EHMT1: variants seen among roughly 807,000 people sequenced by gnomAD.
The protein encoded by EHMT1 is euchromatic histone lysine methyltransferase 1.
A neutral mutation model predicts 147.2 loss-of-function variants in EHMT1; 15 were observed. The observed-to-expected ratio is 0.10, with a 90% confidence interval of 0.07 to 0.16. The LOEUF is 0.16. Ranked by LOEUF, EHMT1 falls within the 10% of genes least tolerant of loss-of-function variation. The pLI is 1.00. For missense variants in EHMT1, 1,587 were observed against 1,772.4 expected (o/e 0.90, Z 1.88); for synonymous variants, 795 against 709.6 (o/e 1.12, Z -1.91).
Position 137,634,984 on chromosome 9 carries a change from T to C in EHMT1, c.21+15935T>C, listed in dbSNP as rs568545985. ...ATCCGCCGGCCTCGGCCTCCCAAAG[T>C]GCTGGGATTACAGGTGTGAGCCACT... On this transcript the variant is annotated intron_variant, in intron 1 of 26. Transcript: ENST00000460843. 1.3e-4 allele frequency among the ~76,000 whole-genome samples: 20 copies of C among 150,188 alleles called. No individual in the cohort carries two copies. The East Asian group carries it at 3.6e-3, about 27-fold the overall frequency.
In EHMT1 at chr9:137,766,511, A is replaced by ACT. The variant is rs1283295394; in HGVS notation, c.1647+3691_1647+3692insCT. On this transcript the variant is annotated intron_variant, in intron 10 of 26. Transcript: ENST00000460843. Reference sequence around the variant, plus strand: ...CTGCCTGTAGTCCCAGCTACTTGGGAGGCTGAGGCAGGAGAATTGCTTGAG... The same window carrying ACT: ...CTGCCTGTAGTCCCAGCTACTTGGGACTGGCTGAGGCAGGAGAATTGCTTGAG... Among the ~76,000 whole-genome samples the ACT allele has an allele frequency of 4.6e-5, 7 of 152,308 alleles. No homozygotes were observed. In the East Asian group the frequency reaches 1.4e-3, roughly 29 times the overall value.
intron 1 of EHMT1, among the ~76,000 whole-genome samples, chr9:137,619,330 C>G (rs1033554719): frequency 1.3e-5 from 2 of 150,752 alleles, no homozygotes; most frequent in Admixed American, 6.6e-5. Flanking sequence ...GAGGCGACCG[C>G]GTACCTGTGC....
chr9:137,801,964 A>AT (rs143910465), intron 18 of EHMT1, among the ~76,000 whole-genome samples: 22,706 of 152,244 alleles, frequency 0.15, 5,512 homozygotes, highest in African/African-American at 0.51. Flanking sequence ...AGAAAAGTGA[A>AT]CATTATCATA....
intron 1 of EHMT1, chr9:137,675,135 C>T (rs966900851): frequency 1.3e-5 from 2 of 152,230 alleles, no homozygotes; most frequent in African/African-American, 4.8e-5. Context: ...GCTGTAGCTC[C>T]TTCTGTGCCT....
chr9:137,662,852 G>A (rs1939232745), intron 1 of EHMT1, among the ~76,000 whole-genome samples: 1 of 150,930 alleles, frequency 6.6e-6, no homozygotes, highest in Non-Finnish European at 1.5e-5. Flanking sequence ...GGAGTGCAAT[G>A]GTGCGATCTC....
chr9:137,831,951 T>G (rs7021869), intron 25 of EHMT1, among the ~76,000 whole-genome samples: 1 of 93,628 alleles, frequency 1.1e-5, no homozygotes, highest in Non-Finnish European at 2.1e-5. Flanking sequence ...CCTACGTGGC[T>G]GCTGCACTTC....
At chr9:137,661,321 G>C (rs1939051013) in intron 1 of EHMT1, among the ~76,000 whole-genome samples, 1 of 151,864 alleles carries the variant, frequency 6.6e-6, no homozygotes, top group Non-Finnish European at 1.5e-5. Flanking sequence ...TCCTATTTAG[G>C]ATGGTGTTTA....
intron 6 of EHMT1, among the ~76,000 whole-genome samples, chr9:137,749,921 T>C (rs1017394788): frequency 6.6e-6 from 1 of 152,252 alleles, no homozygotes; most frequent in Admixed American, 6.5e-5. Flanking sequence ...AACATTTCGA[T>C]GGTCAGTCGT....
At chr9:137,730,207 T>C (rs1451533262) in intron 4 of EHMT1, among the ~76,000 whole-genome samples, 1 of 152,214 alleles carries the variant, frequency 6.6e-6, no homozygotes, top group African/African-American at 2.4e-5. Flanking sequence ...AAGTTACTGC[T>C]CACCAGACTG....
intron 1 of EHMT1, chr9:137,665,016 C>T (rs771791567): frequency 6.6e-6 from 1 of 152,126 alleles, no homozygotes; most frequent in African/African-American, 2.4e-5. Context: ...CTTTGCAACT[C>T]TTGGGCAGTC....
intron 25 of EHMT1, among the ~76,000 whole-genome samples, chr9:137,831,313 G>A (rs1241725087): frequency 6.6e-6 from 1 of 152,194 alleles, no homozygotes; most frequent in African/African-American, 2.4e-5. Context: ...TGTAGATAGT[G>A]CACGAGCCCT....
At chr9:137,802,050 A>G (rs548355013) in intron 18 of EHMT1, among the ~76,000 whole-genome samples, 2 of 152,336 alleles carry the variant, frequency 1.3e-5, no homozygotes, top group African/African-American at 4.8e-5. Context: ...TTGCTCAGAA[A>G]ATAGAGTTTG....
chr9:137,717,710 C>T (rs1423562261), intron 3 of EHMT1, among the ~76,000 whole-genome samples: 1 of 151,908 alleles, frequency 6.6e-6, no homozygotes, highest in Non-Finnish European at 1.5e-5. Context: ...GCTTTCTCTT[C>T]TCACAGGATT....
intron 9 of EHMT1, among the ~76,000 whole-genome samples, 153 bp from the exon 10 acceptor site, chr9:137,762,522 C>T (rs1375698520): frequency 2.0e-5 from 3 of 152,196 alleles, no homozygotes; most frequent in African/African-American, 2.4e-5. Context: ...TGGCCATCCC[C>T]GCCCCACGCA....
rs903509816 is a variant in EHMT1, at chr9:137,732,788, G to A, written c.823+4259G>A. On this transcript the variant is annotated intron_variant, in intron 4 of 26. Coordinates refer to ENST00000460843, the MANE Select transcript of EHMT1 (RefSeq NM_024757.5). The surrounding 1 kb of genome is among the most constrained non-coding windows in gnomAD (Gnocchi z 4.6). ...CATTATCACTTTTATTTCTTCAACT[G>A]TCACTCCATTGCCTGCCATTCATTG... 4.6e-5 allele frequency among the ~76,000 whole-genome samples: 7 copies of A among 152,132 alleles called. No homozygotes were observed. Among genetic ancestry groups the A allele is most frequent in the African/African-American group, 1.7e-4 (7 of 41,416 alleles).
chr9:137,749,823 C>T (rs546523016), intron 6 of EHMT1, among the ~76,000 whole-genome samples: 22 of 152,292 alleles, frequency 1.4e-4, no homozygotes, highest in Non-Finnish European at 2.6e-4. Flanking sequence ...ATTGCCTTGT[C>T]TTGTTTTTAA....
At chr9:137,798,292 C>T (rs747772345) in intron 16 of EHMT1, among the ~76,000 whole-genome samples, 2 of 152,014 alleles carry the variant, frequency 1.3e-5, no homozygotes, top group South Asian at 2.1e-4. Context: ...GTCCCAGCTA[C>T]GTGGGAGGCT....
chr9:137,716,657 A>C lies in EHMT1; in HGVS notation c.117A>C (p.Ala39=), dbSNP rs1945338301. Residue 39 remains alanine, a synonymous_variant, in exon 3 of 27, where the codon GCA becomes GCC. Transcript: ENST00000460843. The part of the protein sequence containing the change: ...ETPMAADEGS[A]EKQAGEAHMA... The stretch of plus-strand genomic sequence containing the variant: ...CTATGGCTGCCGATGAAGGCTCAGC[A>C]GAGAAACAGGCAGGAGAGGCCCACA... The C allele has an allele frequency of 6.3e-7, 1 of 1,590,754 alleles. No individual in the cohort carries two copies.
chr9:137,677,797 G>T (rs1941514860), intron 1 of EHMT1, among the ~76,000 whole-genome samples: 1 of 151,910 alleles, frequency 6.6e-6, no homozygotes, highest in Non-Finnish European at 1.5e-5. Flanking sequence ...GGTGGCTCAC[G>T]CCTGTAATCC....
Sources: gnomAD v4.1 joint callset for allele counts (sites outside exome capture counted in the v4.1 genomes callset) on GRCh38, gnomAD v4.1.1 for gene constraint, Gnocchi (gnomAD v3.1) non-coding constraint, MANE v1.5 for transcripts, NCBI Gene and HGNC (gene_info 2026-07-23, HGNC 2026-07-21) for gene names.